ANO2: variants seen among roughly 807,000 people sequenced by gnomAD.
The protein encoded by ANO2 is anoctamin 2.
ANO2 carries 101 observed loss-of-function variants against 124.2 expected under a neutral mutation model. The observed-to-expected ratio is 0.81, with a 90% CI of 0.69 to 0.96. ANO2 has a LOEUF of 0.96. Ranked by LOEUF, ANO2 falls within the 40% of genes least tolerant of loss-of-function variation. The pLI, the probability that ANO2 is intolerant of heterozygous loss-of-function variation, is 0.00. For synonymous variants in ANO2, 486 were observed against 482.5 expected (o/e 1.01, Z -0.09); for missense variants, 1,293 against 1,274.5 (o/e 1.01, Z -0.22).
chr12:5,836,512 T>C (rs1954323517), intron 4 of ANO2, among the ~76,000 whole-genome samples: 1 of 152,220 alleles, frequency 6.6e-6, no homozygotes, highest in African/African-American at 2.4e-5. Flanking sequence ...AAGTGAGGTT[T>C]CTGAAGCAAA....
At position 5,908,450 on chromosome 12, in the gene ANO2, C is replaced by G. The variant is rs1940837865; in HGVS notation, c.534+12590G>C. On this transcript the variant is annotated intron_variant, in intron 3 of 24. Coordinates refer to ENST00000682330, the MANE Select transcript of ANO2 (RefSeq NM_001364791.2). This position sits in a 1 kb window ranked among gnomAD's most constrained non-coding sequence, Gnocchi z 4.7. Reference sequence around the variant, plus strand: ...AACACCAGCAGTCACCCTATCCAAGCCGAGAGTCCGACTGCCCAGGGTGCT... The same window carrying G: ...AACACCAGCAGTCACCCTATCCAAGGCGAGAGTCCGACTGCCCAGGGTGCT... Among the ~76,000 whole-genome samples, 1 of 152,214 alleles carries G rather than the reference C, an allele frequency of 6.6e-6. No individual in the cohort carries two copies. The highest frequency in any genetic ancestry group is 1.5e-5 in the Non-Finnish European group (1 of 68,042).
At chr12:5,695,717 T>C (rs1328325505) in intron 14 of ANO2, among the ~76,000 whole-genome samples, 3 of 152,202 alleles carry the variant, frequency 2.0e-5, no homozygotes, top group Non-Finnish European at 4.4e-5. Flanking sequence ...GGCGCGTGCC[T>C]GTAACCCCAG....
rs528111129 is a variant in ANO2 at position 5,759,480 on chromosome 12, G to A, written c.1056-8510C>T. Reference sequence around the variant, plus strand: ...CCTGTCCATGTCCAGTTAGGAACCAGGCCACACAGCAGGAGGTGAGCAGCA... The same window carrying A: ...CCTGTCCATGTCCAGTTAGGAACCAAGCCACACAGCAGGAGGTGAGCAGCA... On this transcript the variant is annotated intron_variant, in intron 10 of 24. Transcript: ENST00000682330. Among the ~76,000 whole-genome samples the A allele has an allele frequency of 7.2e-5, 11 of 151,966 alleles. No homozygotes were observed. The East Asian group carries it at 2.1e-3, about 29-fold the overall frequency.
Position 5,931,580 on chromosome 12 carries a change from T to G in ANO2, c.23-8776A>C, listed in dbSNP as rs371038208. Among the ~76,000 whole-genome samples the G allele has an allele frequency of 4.2e-5, 5 of 120,462 alleles. 1 individual carries two copies. In the East Asian group the frequency reaches 1.0e-3, roughly 24 times the overall value. The allele number at this position is 120,462 out of a possible 152,430, so 79.0% of individuals were successfully genotyped here. On this transcript the variant is annotated intron_variant, in intron 1 of 24. Coordinates refer to ENST00000682330, the MANE Select transcript of ANO2 (RefSeq NM_001364791.2). ...CTAATAAGGAAAGAAGGCAGACGAG[T>G]GAGGAAAGAAGATAGACTAGTAAGG...
At chr12:5,801,847 C>T (rs1953051186) in intron 9 of ANO2, among the ~76,000 whole-genome samples, 1 of 152,242 alleles carries the variant, frequency 6.6e-6, no homozygotes, top group Non-Finnish European at 1.5e-5. Flanking sequence ...CCTCCTCCCA[C>T]ATCTTGGGTG....
intron 11 of ANO2, among the ~76,000 whole-genome samples, chr12:5,745,878 C>T (rs947559979): frequency 3.3e-5 from 5 of 152,172 alleles, no homozygotes; most frequent in African/African-American, 1.2e-4. Flanking sequence ...GACTAGAGAG[C>T]CCAGTTTATG....
chr12:5,945,296 C>G (rs1431829958), upstream of ANO2: 4 of 1,152,918 alleles, frequency 3.5e-6, no homozygotes, highest in Non-Finnish European at 3.3e-6. Flanking sequence ...AATTCCATCG[C>G]GGCTCAGCTC....
intron 14 of ANO2, among the ~76,000 whole-genome samples, chr12:5,666,113 T>C (rs1009389617): frequency 6.6e-6 from 1 of 152,072 alleles, no homozygotes; most frequent in African/African-American, 2.4e-5. Context: ...AGGTCAGAAT[T>C]TGTGGATGAT....
In ANO2 at chr12:5,908,444, T is replaced by A. The variant is rs1940837393; in HGVS notation, c.534+12596A>T. On this transcript the variant is annotated intron_variant, in intron 3 of 24. Transcript: ENST00000682330. This position sits in a 1 kb window ranked among gnomAD's most constrained non-coding sequence, Gnocchi z 4.7. Reference sequence around the variant, plus strand: ...AATACGAACACCAGCAGTCACCCTATCCAAGCCGAGAGTCCGACTGCCCAG... The same window carrying A: ...AATACGAACACCAGCAGTCACCCTAACCAAGCCGAGAGTCCGACTGCCCAG... 6.6e-6 allele frequency among the ~76,000 whole-genome samples: 1 copy of A among 152,102 alleles called. No individual in the cohort carries two copies. Among genetic ancestry groups the A allele is most frequent in the Non-Finnish European group, 1.5e-5 (1 of 68,008 alleles).
intron 16 of ANO2, among the ~76,000 whole-genome samples, chr12:5,616,749 A>G (rs1944828648): frequency 6.6e-6 from 1 of 152,120 alleles, no homozygotes; most frequent in Non-Finnish European, 1.5e-5. Context: ...TCCAAGGAAT[A>G]CCCTTCCCTC....
At chr12:5,599,389 A>G in intron 20 of ANO2, 95 bp downstream of exon 20, 1 of 1,401,882 alleles carries the variant, frequency 7.1e-7, no homozygotes, top group Non-Finnish European at 9.6e-7. Context: ...AGGCTGTCCC[A>G]GTCATTTTCC....
intron 10 of ANO2, among the ~76,000 whole-genome samples, chr12:5,781,053 T>C (rs1236113348): frequency 5.3e-5 from 8 of 152,206 alleles, no homozygotes; most frequent in African/African-American, 1.9e-4. Flanking sequence ...ACTGAAGATA[T>C]GGCTCAGGTA....
intron 4 of ANO2, among the ~76,000 whole-genome samples, chr12:5,838,214 C>T (rs1954390743): frequency 6.6e-6 from 1 of 152,170 alleles, no homozygotes; most frequent in African/African-American, 2.4e-5. Context: ...GCTGTTTTTA[C>T]TGGGACCAGG....
At chr12:5,734,644 T>C (rs1428990110) in intron 13 of ANO2, among the ~76,000 whole-genome samples, 2 of 151,798 alleles carry the variant, frequency 1.3e-5, no homozygotes, top group African/African-American at 4.8e-5. Context: ...TCATCTTTTT[T>C]TTCTTTCTTT....
At chr12:5,910,806 A>AT (rs1169546071) in intron 3 of ANO2, among the ~76,000 whole-genome samples, 1 of 152,122 alleles carries the variant, frequency 6.6e-6, no homozygotes, top group Non-Finnish European at 1.5e-5. Context: ...CACCCTCATC[A>AT]TCTGTCAAGC....
chr12:5,612,803 T>A, intron 18 of ANO2, 47 bp from the exon 19 acceptor site: 1 of 1,610,268 alleles, frequency 6.2e-7, no homozygotes, highest in Non-Finnish European at 8.5e-7. Context: ...AAAAGGGAGC[T>A]CTGAGAAGCA....
At chr12:5,591,597 A>G (rs907591362) in intron 20 of ANO2, among the ~76,000 whole-genome samples, 2 of 152,148 alleles carry the variant, frequency 1.3e-5, no homozygotes, top group African/African-American at 4.8e-5. Context: ...TAGAGGATTG[A>G]GAGAAGGGTG....
intron 3 of ANO2, among the ~76,000 whole-genome samples, chr12:5,883,121 C>A (rs1201765135): frequency 6.6e-6 from 1 of 152,070 alleles, no homozygotes; most frequent in Admixed American, 6.5e-5. Flanking sequence ...CAGCCCGTGT[C>A]AGCCTAAAAT....
At chr12:5,640,129 G>A (rs1171842123) in intron 15 of ANO2, among the ~76,000 whole-genome samples, 1 of 152,342 alleles carries the variant, frequency 6.6e-6, no homozygotes, top group Non-Finnish European at 1.5e-5. Flanking sequence ...CAAGGAGGCA[G>A]ATGAAATAGC....
Sources: gnomAD v4.1 joint callset for allele counts (sites outside exome capture counted in the v4.1 genomes callset) on GRCh38, gnomAD v4.1.1 for gene constraint, Gnocchi (gnomAD v3.1) non-coding constraint, MANE v1.5 for transcripts, NCBI Gene and HGNC (gene_info 2026-07-23, HGNC 2026-07-21) for gene names.